TRPM3: variants seen among roughly 807,000 people sequenced by gnomAD.
TRPM3 encodes the protein long transient receptor potential channel 3.
Under a neutral mutation model 181.2 loss-of-function variants are expected in TRPM3, and 77 were observed. The observed-to-expected ratio is 0.42, with a 90% CI of 0.35 to 0.51. TRPM3 has a LOEUF of 0.51. Among genes scored for constraint, TRPM3 ranks in the 20% least tolerant of loss-of-function variants. The probability of loss-of-function intolerance (pLI) is 0.01; values close to 1 mark genes in which losing one functional copy is unlikely to be tolerated. For synonymous variants in TRPM3, 745 were observed against 796.4 expected, an observed-to-expected ratio of 0.94 and a Z score of 1.09; for missense variants, 1,759 against 2,196.7, an observed-to-expected ratio of 0.80 and a Z score of 3.98.
chr9:71,301,621 CA>C (rs1356824484), intron 1 of TRPM3, among the ~76,000 whole-genome samples: 35 of 152,200 alleles, frequency 2.3e-4, no homozygotes, highest in African/African-American at 8.4e-4. Flanking sequence ...TATCACATAT[CA>C]CCTTATTCAA....
At chr9:71,381,058 C>T (rs532333471) in intron 1 of TRPM3, among the ~76,000 whole-genome samples, 2 of 152,138 alleles carry the variant, frequency 1.3e-5, no homozygotes, top group Admixed American at 6.6e-5. Flanking sequence ...TGAAATAAGA[C>T]TCAAGCATGA....
intron 1 of TRPM3, among the ~76,000 whole-genome samples, chr9:71,227,108 C>CA (rs368727383): frequency 0.16 from 6,379 of 39,460 alleles, 565 homozygotes; most frequent in Non-Finnish European, 0.22. Flanking sequence ...TACTTCATCT[C>CA]AAAAAAAAAA....
At chr9:71,270,441 C>T (rs2083704964) in intron 1 of TRPM3, among the ~76,000 whole-genome samples, 1 of 152,180 alleles carries the variant, frequency 6.6e-6, no homozygotes, top group African/African-American at 2.4e-5. Context: ...TGTCATCTGG[C>T]CCCTGCTCAC....
Position 70,681,578 on chromosome 9 carries a change from T to C in TRPM3, c.1273A>G (p.Ile425Val). 1 of 1,613,688 alleles carries C rather than the reference T, an allele frequency of 6.2e-7. No individual in the cohort carries two copies. The highest frequency in any genetic ancestry group is 8.5e-7 in the Non-Finnish European group (1 of 1,179,686). Reference sequence around the variant, plus strand: ...TCTGATCCCATCCGAAATACCGTAATCTGCAATTTGAGACAAGGTGATCAT... The same window carrying C: ...TCTGATCCCATCCGAAATACCGTAACCTGCAATTTGAGACAAGGTGATCAT... Reference protein sequence around the residue: ...LMECMKKKELITVFRMGSEGH... With the variant: ...LMECMKKKELVTVFRMGSEGH... Residue 425 changes from isoleucine to valine, a missense_variant and splice_region_variant, in exon 9 of 26, where the codon ATT becomes GTT. Ile to Val is a conservative substitution (Grantham distance 29, BLOSUM62 3). Transcript: ENST00000677713.
At chr9:70,579,042 T>C (rs1317517640) in intron 22 of TRPM3, 9 of 152,194 alleles carry the variant, frequency 5.9e-5, no homozygotes, top group Admixed American at 5.9e-4. Flanking sequence ...ACCTTGACTA[T>C]GAGAGATTAT....
At chr9:71,156,986 A>T (rs1231118488) in intron 1 of TRPM3, among the ~76,000 whole-genome samples, 1 of 152,140 alleles carries the variant, frequency 6.6e-6, no homozygotes, top group Non-Finnish European at 1.5e-5. Context: ...TTGGGATATC[A>T]ATGTTCCAGT....
At chr9:70,654,667 C>G (rs1367375655) in intron 9 of TRPM3, among the ~76,000 whole-genome samples, 7 of 149,536 alleles carry the variant, frequency 4.7e-5, no homozygotes, top group African/African-American at 1.5e-4. Flanking sequence ...GAGAATGACC[C>G]CTTTTTAAGC....
At chr9:70,858,921 A>C (rs6560166) in intron 3 of TRPM3, among the ~76,000 whole-genome samples, 52,780 of 152,018 alleles carry the variant, frequency 0.35, 9,526 homozygotes, top group African/African-American at 0.36. Flanking sequence ...CTGCCTCTCC[A>C]GGATGGGGAA....
In TRPM3 at chr9:71,110,946, A is replaced by G. The variant is rs529627164; in HGVS notation, c.177+10232T>C. 8.5e-5 allele frequency among the ~76,000 whole-genome samples: 13 copies of G among 152,312 alleles called. No homozygotes were observed. In the South Asian group the frequency reaches 2.7e-3, roughly 32 times the overall value. On this transcript the variant is annotated intron_variant, in intron 1 of 25. Transcript: ENST00000677713. ...ATATTTTCTTCACTTATTCATTGAA[A>G]TGAAATGTATATTGCATTGTTCTTA...
intron 1 of TRPM3, among the ~76,000 whole-genome samples, chr9:71,157,087 C>T (rs2076042602): frequency 6.6e-6 from 1 of 152,132 alleles, no homozygotes; most frequent in Non-Finnish European, 1.5e-5. Flanking sequence ...GCTTCCCTGA[C>T]TGTAATGATC....
intron 1 of TRPM3, among the ~76,000 whole-genome samples, chr9:71,356,812 C>G (rs1197480877): frequency 2.0e-5 from 3 of 152,032 alleles, no homozygotes; most frequent in Non-Finnish European, 4.4e-5. Flanking sequence ...CCCCGAGCCC[C>G]AGAGAGAGAG....
chr9:71,111,412 C>T (rs76333505), intron 1 of TRPM3, among the ~76,000 whole-genome samples: 9,129 of 152,180 alleles, frequency 0.06, 396 homozygotes, highest in Admixed American at 0.13. Context: ...TTTTTCCCCT[C>T]GCCCCCAAAG....
rs1554806973 is a variant in TRPM3 at position 71,032,097 on chromosome 9, A to AAT, written c.177+89079_177+89080dup. On this transcript the variant is annotated intron_variant, in intron 1 of 25. Coordinates refer to ENST00000677713, the MANE Select transcript of TRPM3 (RefSeq NM_001366145.2). ...TTATATTATATATATATAATTATAT[A>AAT]ATATTATATATATTATATTATATAT... Among the ~76,000 whole-genome samples the AAT allele has an allele frequency of 7.7e-4, 66 of 85,770 alleles. 1 individual carries two copies. The highest frequency in any genetic ancestry group is 1.2e-3 in the Non-Finnish European group (54 of 44,630). 56.3% of individuals were successfully genotyped at this position (85,770 alleles called of 152,430 possible).
At chr9:71,290,584 A>T (rs1439173592) in intron 1 of TRPM3, among the ~76,000 whole-genome samples, 1 of 152,128 alleles carries the variant, frequency 6.6e-6, no homozygotes, top group Non-Finnish European at 1.5e-5. Context: ...AATTACCTCA[A>T]AAGGAACATA....
At chr9:70,564,196 A>G (rs531614487) in intron 22 of TRPM3, among the ~76,000 whole-genome samples, 66 of 152,314 alleles carry the variant, frequency 4.3e-4, no homozygotes, top group African/African-American at 1.5e-3. Context: ...TGATATTTGC[A>G]TATACGAAAT....
At chr9:71,107,603 T>C (rs183332145) in intron 1 of TRPM3, among the ~76,000 whole-genome samples, 11 of 152,306 alleles carry the variant, frequency 7.2e-5, no homozygotes, top group Admixed American at 6.5e-4. Flanking sequence ...GTAGAATGAA[T>C]AAGTATGTGA....
chr9:70,869,192 G>A (rs906702951), intron 1 of TRPM3: 7 of 298,748 alleles, frequency 2.3e-5, no homozygotes, highest in Admixed American at 6.5e-5. Context: ...GGAATGTGCT[G>A]CTTCGGGATT....
intron 1 of TRPM3, among the ~76,000 whole-genome samples, chr9:71,260,928 C>T (rs568753170): frequency 1.3e-5 from 2 of 152,188 alleles, no homozygotes; most frequent in Non-Finnish European, 2.9e-5. Flanking sequence ...CTCTGGCTGC[C>T]CTTAACATTT....
intron 1 of TRPM3, among the ~76,000 whole-genome samples, chr9:71,325,311 A>AT (rs2089589501): frequency 6.6e-6 from 1 of 152,210 alleles, no homozygotes; most frequent in South Asian, 2.1e-4. Context: ...GGCCAATGTG[A>AT]TGAGCAAGGA....
Sources: allele counts gnomAD v4.1 joint callset (sites outside exome capture counted in the v4.1 genomes callset), GRCh38; gene constraint gnomAD v4.1.1; transcripts MANE v1.5; gene names NCBI Gene and HGNC (gene_info 2026-07-23, HGNC 2026-07-21).